Variants in YAE1 observed in about 807,000 individuals in gnomAD.
The protein encoded by YAE1 is protein YAE1 homolog.
Under a neutral mutation model 23.0 loss-of-function variants are expected in YAE1, and 22 were observed. The observed-to-expected ratio is 0.96, with a 90% CI of 0.68 to 1.37. The LOEUF (loss-of-function observed/expected upper bound fraction) is 1.37. Ranked by LOEUF, YAE1 falls within the 40% of genes most tolerant of loss-of-function variation. YAE1 has a pLI of 0.00. For missense variants in YAE1, 260 were observed against 262.1 expected (o/e 0.99, Z 0.06); for synonymous variants, 101 against 97.0 (o/e 1.04, Z -0.24).
chr7:39,605,461 TCCTC>T (rs1791116545), intron 2 of YAE1, among the ~76,000 whole-genome samples: 1 of 152,214 alleles, frequency 6.6e-6, no homozygotes, highest in South Asian at 2.1e-4. Flanking sequence ...AGAAGACTGA[TCCTC>T]CCTCAAGTAA....
chr7:39,573,646 T>C (rs187902614), downstream of YAE1, among the ~76,000 whole-genome samples: 18 of 152,266 alleles, frequency 1.2e-4, no homozygotes, highest in African/African-American at 4.3e-4. Context: ...TAATTGCTCT[T>C]TCACCCCTAT....
At chr7:39,574,366 G>C (rs1790621782), downstream of YAE1, among the ~76,000 whole-genome samples, 1 of 152,178 alleles carries the variant, frequency 6.6e-6, no homozygotes, top group South Asian at 2.1e-4. Flanking sequence ...GGGAGGTGAA[G>C]ACAGGAGGAT....
chr7:39,609,957 A>C (rs971366118), exon 3 of YAE1: 1 of 1,521,162 alleles, frequency 6.6e-7, no homozygotes, highest in Non-Finnish European at 8.8e-7. Flanking sequence ...AACATATAAT[A>C]GAATCATTAT....
intron 2 of YAE1, among the ~76,000 whole-genome samples, chr7:39,589,036 G>C (rs1373362808): frequency 6.6e-6 from 1 of 151,996 alleles, no homozygotes; most frequent in East Asian, 1.9e-4. Flanking sequence ...TAGCCAGGCT[G>C]GTCTCGAACT....
At chr7:39,603,766 T>C (rs1252428919) in intron 2 of YAE1, among the ~76,000 whole-genome samples, 1 of 150,324 alleles carries the variant, frequency 6.7e-6, no homozygotes, top group Non-Finnish European at 1.5e-5. Context: ...TGGGAGTGGA[T>C]TTTTTTTAAA....
downstream of YAE1, among the ~76,000 whole-genome samples, chr7:39,610,943 T>G (rs1367066592): frequency 6.6e-6 from 1 of 151,346 alleles, no homozygotes; most frequent in Non-Finnish European, 1.5e-5. Context: ...TTGAGGAGAG[T>G]TCGTGATCAG....
intron 2 of YAE1, among the ~76,000 whole-genome samples, chr7:39,582,852 G>C (rs1790764915): frequency 6.6e-6 from 1 of 152,204 alleles, no homozygotes; most frequent in South Asian, 2.1e-4. Flanking sequence ...TTGACAGATG[G>C]TGTTCAGCTG....
chr7:39,583,275 A>T (rs1790772356), intron 2 of YAE1, among the ~76,000 whole-genome samples: 2 of 152,356 alleles, frequency 1.3e-5, no homozygotes, highest in South Asian at 2.1e-4. Flanking sequence ...TATTTTGCAG[A>T]TAAAACTCTG....
chr7:39,602,020 A>T (rs1791062979), intron 2 of YAE1, among the ~76,000 whole-genome samples: 1 of 152,196 alleles, frequency 6.6e-6, no homozygotes, highest in South Asian at 2.1e-4. Flanking sequence ...AAATGAATGG[A>T]TTAAGAGAGC....
intron 2 of YAE1, among the ~76,000 whole-genome samples, chr7:39,597,756 A>C (rs1282185748): frequency 6.6e-6 from 1 of 152,074 alleles, no homozygotes; most frequent in African/African-American, 2.4e-5. Flanking sequence ...ACTTAACCCC[A>C]TCCTTTCACT....
chr7:39,585,941 A>G (rs1324818353), intron 2 of YAE1, among the ~76,000 whole-genome samples: 1 of 152,000 alleles, frequency 6.6e-6, no homozygotes, highest in African/African-American at 2.4e-5. Context: ...CATCTCTACA[A>G]AAAAATACAA....
Position 39,566,541 on chromosome 7 carries a change from A to G in YAE1, c.123A>G (p.Arg41=), listed in dbSNP as rs1376015787. The G allele has an allele frequency of 3.7e-6, 6 of 1,613,766 alleles. No homozygotes were observed. In the African/African-American group the frequency reaches 5.3e-5, roughly 14 times the overall value. The change falls in exon 1 of 3, where the codon CGA becomes CGG. Residue 41 remains arginine (R), a synonymous_variant. Transcript: ENST00000223273. ...QREWQSNMQR[R]VKEGYRDGID... ...AATGGCAGAGTAACATGCAAAGACG[A>G]GTCAAAGTAAACGTGGTGTGGACGG... is the stretch of plus-strand genomic sequence containing the variant.
exon 3 of YAE1, chr7:39,609,649 G>A: frequency 2.0e-6 from 3 of 1,535,562 alleles, no homozygotes; most frequent in Non-Finnish European, 2.6e-6. Context: ...CTGGGCTTGA[G>A]AGCCCCGCTG....
chr7:39,588,393 T>G (rs561287905), intron 2 of YAE1, among the ~76,000 whole-genome samples: 1 of 150,886 alleles, frequency 6.6e-6, no homozygotes, highest in Non-Finnish European at 1.5e-5. Flanking sequence ...GTGCCTGTAA[T>G]CCCAGCTACT....
At position 39,572,639 on chromosome 7, in the gene YAE1, A is replaced by G. The variant is rs149985109; in HGVS notation, c.614A>G (p.Gln205Arg). 6.2e-7 allele frequency: 1 copy of G among 1,613,886 alleles called. No individual in the cohort carries two copies. The highest frequency in any genetic ancestry group is 1.3e-5 in the African/African-American group (1 of 75,058). The change falls in exon 3 of 3, where the codon CAG becomes CGG. Residue 205 changes from glutamine (Q) to arginine (R), a missense_variant. Gln to Arg is a conservative substitution (Grantham distance 43, BLOSUM62 1). Coordinates refer to ENST00000223273, the MANE Select transcript of YAE1 (RefSeq NM_020192.5). ...ENPSPTWILE[Q>R]TASLVKQLGL... ...CCAAGCCCCACATGGATTTTGGAAC[A>G]GACAGCCAGTTTAGTTAAACAGCTG...
Position 39,587,548 on chromosome 7 carries a change from G to A in YAE1, c.251+16921G>A, listed in dbSNP as rs553342592. Among the ~76,000 whole-genome samples the A allele has an allele frequency of 1.8e-4, 27 of 152,274 alleles. No individual in the cohort carries two copies. In the South Asian group the frequency reaches 5.6e-3, roughly 32 times the overall value. On this transcript the variant is annotated intron_variant, in intron 2 of 2. Coordinates refer to the YAE1 transcript ENST00000432096. ...CTAAACAGAAGGAATGTTGCACCCT[G>A]TTGTACCATGTTGTATTTGGAATTT...
chr7:39,574,456 G>A (rs1052577394), downstream of YAE1, among the ~76,000 whole-genome samples: 6 of 152,044 alleles, frequency 3.9e-5, no homozygotes, highest in Non-Finnish European at 7.4e-5. Flanking sequence ...AAATCCGCTG[G>A]GTGCAGTGGC....
At chr7:39,611,716 AT>A (rs1039043180), downstream of YAE1, among the ~76,000 whole-genome samples, 2 of 152,076 alleles carry the variant, frequency 1.3e-5, no homozygotes, top group African/African-American at 4.8e-5. Flanking sequence ...GTATACATTT[AT>A]TTTTTTACCA....
At chr7:39,585,615 C>G (rs1007825746) in intron 2 of YAE1, among the ~76,000 whole-genome samples, 1 of 152,194 alleles carries the variant, frequency 6.6e-6, no homozygotes, top group Non-Finnish European at 1.5e-5. Context: ...ATACACTACT[C>G]CTCCAGATTC....
Sources: allele counts gnomAD v4.1 joint callset (sites outside exome capture counted in the v4.1 genomes callset), GRCh38; gene constraint gnomAD v4.1.1; transcripts MANE v1.5; gene names NCBI Gene and HGNC (gene_info 2026-07-23, HGNC 2026-07-21).